Variants in DGKH observed in about 807,000 individuals in gnomAD.
DGKH encodes diacylglycerol kinase eta.
A neutral mutation model predicts 159.3 loss-of-function variants in DGKH; 90 were observed. That is an observed-to-expected ratio of 0.57 (90% CI 0.48 to 0.67). The LOEUF (loss-of-function observed/expected upper bound fraction) is 0.67, where lower values mean the gene tolerates loss of function less well. DGKH is among the 30% of genes least tolerant of loss of function. The pLI is 0.00. For synonymous variants in DGKH, 536 were observed against 553.8 expected (o/e 0.97, Z 0.45); for missense variants, 1,181 against 1,506.1 (o/e 0.78, Z 3.57).
At chr13:42,171,974 T>G (rs545592330) in intron 11 of DGKH, among the ~76,000 whole-genome samples, 2 of 149,360 alleles carry the variant, frequency 1.3e-5, no homozygotes, top group Admixed American at 1.3e-4. Flanking sequence ...GGACTATAGG[T>G]GCCCGCCACC....
In DGKH at chr13:42,199,923, A is replaced by G. The variant is rs1421488030; in HGVS notation, c.2493+14A>G. ...GTTCAACTTGAGGTAAGTTCATCTT[A>G]AAGTAAAGATATTTCATATTATCTT... On this transcript the variant is annotated intron_variant, in intron 20 of 29. Transcript: ENST00000337343. The G allele has an allele frequency of 6.3e-7, 1 of 1,585,654 alleles. No homozygotes were observed. Among genetic ancestry groups the G allele is most frequent in the Non-Finnish European group, 8.6e-7 (1 of 1,167,452 alleles).
chr13:42,044,223 C>T (rs1377985874), upstream of DGKH: 1 of 152,168 alleles, frequency 6.6e-6, no homozygotes, highest in Non-Finnish European at 1.5e-5. Context: ...ACTATTCAGG[C>T]AGAAGAGTAA....
chr13:42,154,646 G>C (rs1424418709), intron 3 of DGKH, among the ~76,000 whole-genome samples: 1 of 152,180 alleles, frequency 6.6e-6, no homozygotes, highest in Non-Finnish European at 1.5e-5. Flanking sequence ...GTTCTACACA[G>C]TGGGGGAAGA....
intron 20 of DGKH, among the ~76,000 whole-genome samples, chr13:42,203,403 T>G (rs1957392716): frequency 6.6e-6 from 1 of 152,208 alleles, no homozygotes; most frequent in African/African-American, 2.4e-5. Flanking sequence ...TTCCCACATG[T>G]GTTCTAGGTG....
chr13:42,131,753 T>C (rs1435961701), intron 3 of DGKH, among the ~76,000 whole-genome samples: 1 of 152,192 alleles, frequency 6.6e-6, no homozygotes, highest in Non-Finnish European at 1.5e-5. Context: ...TGGTGGTTTA[T>C]AGGGCATATT....
At chr13:42,198,965 C>T (rs982911649) in intron 18 of DGKH, among the ~76,000 whole-genome samples, 10 of 152,158 alleles carry the variant, frequency 6.6e-5, no homozygotes, top group Non-Finnish European at 1.0e-4. Flanking sequence ...TCTTTTGGCC[C>T]ACACTGATCT....
At chr13:42,217,120 T>TC (rs1957819996) in intron 26 of DGKH, among the ~76,000 whole-genome samples, 2 of 152,234 alleles carry the variant, frequency 1.3e-5, no homozygotes, top group Admixed American at 6.5e-5. Flanking sequence ...AAGGAATTGA[T>TC]TGTATTTGAG....
At chr13:42,225,873 C>T (rs1196495899) in intron 29 of DGKH, among the ~76,000 whole-genome samples, 1 of 151,528 alleles carries the variant, frequency 6.6e-6, no homozygotes. Context: ...ACAGCCTATA[C>T]CCTCAAAGGC....
intron 1 of DGKH, among the ~76,000 whole-genome samples, chr13:42,122,358 A>G (rs11843135): frequency 6.6e-6 from 1 of 152,220 alleles, no homozygotes; most frequent in African/African-American, 2.4e-5. Flanking sequence ...GTCCAAGGGC[A>G]TAGCTGGGCA....
chr13:42,154,182 A>G (rs923382970), intron 3 of DGKH, among the ~76,000 whole-genome samples: 3 of 152,252 alleles, frequency 2.0e-5, no homozygotes, highest in Admixed American at 6.5e-5. Flanking sequence ...TCTATAATCC[A>G]ATGTAATGTT....
At chr13:42,155,485 T>G (rs772954930) in intron 4 of DGKH, 90 bp downstream of exon 4, 1 of 1,463,080 alleles carries the variant, frequency 6.8e-7, no homozygotes, top group Non-Finnish European at 9.5e-7. Context: ...CATAAGTATG[T>G]GTACACTCAT....
intron 20 of DGKH, among the ~76,000 whole-genome samples, chr13:42,200,292 C>A (rs566026096): frequency 2.4e-4 from 36 of 152,240 alleles, no homozygotes; most frequent in African/African-American, 8.7e-4. Context: ...TAAATAGAAT[C>A]TTTTAATTTA....
At chr13:42,173,950 TG>T in intron 11 of DGKH, 109 bp from the exon 12 acceptor site, 1 of 633,444 alleles carries the variant, frequency 1.6e-6, no homozygotes. Context: ...AATGTGTGTG[TG>T]TGTGTGTGCG....
chr13:42,118,834 G>A lies in DGKH; in HGVS notation c.193-8629G>A, dbSNP rs1279078600. Among the ~76,000 whole-genome samples, 4 of 152,100 alleles carry A rather than the reference G, an allele frequency of 2.6e-5. No individual in the cohort carries two copies. In the East Asian group the frequency reaches 7.7e-4, roughly 29 times the overall value. ...AGAGAACTAATGAAGGGCTTGAAGC[G>A]GTGGCGTAATTTAACTAGATTTTCA... On this transcript the variant is annotated intron_variant, in intron 1 of 29. Coordinates refer to ENST00000337343, the MANE Select transcript of DGKH (RefSeq NM_178009.5).
intron 3 of DGKH, 89 bp from the exon 4 acceptor site, chr13:42,155,202 G>C (rs1052008142): frequency 5.2e-6 from 5 of 964,328 alleles, no homozygotes; most frequent in Middle Eastern, 2.8e-4. Context: ...ACTCAAGTTA[G>C]AAATGGAATT....
intron 1 of DGKH, among the ~76,000 whole-genome samples, chr13:42,127,059 T>TG (rs1955184692): frequency 1.3e-5 from 2 of 152,188 alleles, no homozygotes; most frequent in African/African-American, 4.8e-5. Context: ...GTAACTTGCC[T>TG]GAGATCATCC....
intron 1 of DGKH, among the ~76,000 whole-genome samples, chr13:42,057,619 G>T (rs1325055122): frequency 6.6e-6 from 1 of 152,116 alleles, no homozygotes; most frequent in Non-Finnish European, 1.5e-5. Flanking sequence ...CTCCTTTGTT[G>T]CTCCTCAATT....
upstream of DGKH, chr13:42,043,816 T>C (rs890157658): frequency 1.3e-5 from 2 of 152,186 alleles, no homozygotes; most frequent in South Asian, 4.2e-4. Context: ...CATATAACAA[T>C]AGCATGCATG....
intron 11 of DGKH, 26 bp downstream of exon 11, chr13:42,168,844 T>A (rs200001796): frequency 3.1e-5 from 49 of 1,597,066 alleles, no homozygotes; most frequent in Non-Finnish European, 4.1e-5. Flanking sequence ...TTTCTACAAC[T>A]AGATGGAAAA....
Sources: gnomAD v4.1 joint callset for allele counts (sites outside exome capture counted in the v4.1 genomes callset) on GRCh38, gnomAD v4.1.1 for gene constraint, MANE v1.5 for transcripts, NCBI Gene and HGNC (gene_info 2026-07-23, HGNC 2026-07-21) for gene names.